TSPAN12: variants seen among roughly 807,000 people sequenced by gnomAD.
TSPAN12 encodes the protein tetraspanin-12.
TSPAN12 carries 19 observed loss-of-function variants against 39.2 expected under a neutral mutation model. That is an observed-to-expected ratio of 0.49 (90% CI 0.34 to 0.71). TSPAN12 has a LOEUF of 0.71. Among genes scored for constraint, TSPAN12 ranks in the 30% least tolerant of loss-of-function variants. The pLI is 0.01. For missense variants in TSPAN12, 314 were observed against 359.9 expected (o/e 0.87, Z 1.03); for synonymous variants, 119 against 124.8 (o/e 0.95, Z 0.31).
rs367649726 is a variant in TSPAN12 at position 120,806,716 on chromosome 7, C to A, written c.469-24G>T. On this transcript the variant is annotated intron_variant, in intron 6 of 7. Coordinates refer to ENST00000222747, the MANE Select transcript of TSPAN12 (RefSeq NM_012338.4). ...AACTGCAAAAAAAATCACTAGTCAGCCTCAGAAACCACAAAAATATTTTCT... is the reference window on the plus strand; with the variant it reads ...AACTGCAAAAAAAATCACTAGTCAGACTCAGAAACCACAAAAATATTTTCT... 120 of 1,612,778 alleles carry A rather than the reference C, an allele frequency of 7.4e-5. No individual in the cohort carries two copies. The African/African-American group carries it at 1.4e-3, about 19-fold the overall frequency.
intron 2 of TSPAN12, among the ~76,000 whole-genome samples, chr7:120,845,325 G>C (rs528223087): frequency 6.6e-6 from 1 of 152,292 alleles, no homozygotes; most frequent in Admixed American, 6.5e-5. Context: ...TTAATATTCA[G>C]CTCCCCTTTG....
intron 2 of TSPAN12, among the ~76,000 whole-genome samples, chr7:120,846,415 GTAA>G (rs1463222119): frequency 1.3e-5 from 2 of 152,144 alleles, no homozygotes; most frequent in African/African-American, 4.8e-5. Flanking sequence ...CCAGTTTTCA[GTAA>G]CACAGCTTTT....
At chr7:120,848,380 T>C (rs964944063) in intron 2 of TSPAN12, among the ~76,000 whole-genome samples, 2 of 152,090 alleles carry the variant, frequency 1.3e-5, no homozygotes, top group Non-Finnish European at 2.9e-5. Context: ...GTGCCTAATA[T>C]AGGTTAGGTG....
intron 2 of TSPAN12, among the ~76,000 whole-genome samples, chr7:120,849,613 G>T (rs1022030356): frequency 9.2e-5 from 14 of 152,162 alleles, no homozygotes; most frequent in African/African-American, 2.9e-4. Flanking sequence ...GAACATAAAA[G>T]ACCTGAATCT....
chr7:120,858,312 C>T (rs3757557), upstream of TSPAN12: 9,949 of 152,300 alleles, frequency 0.065, 715 homozygotes, highest in East Asian at 0.32. Context: ...AAAATGGTGG[C>T]GTCGAAGGAA....
intron 7 of TSPAN12, among the ~76,000 whole-genome samples, chr7:120,801,428 C>T (rs766504262): frequency 2.0e-5 from 3 of 152,186 alleles, no homozygotes; most frequent in Admixed American, 6.5e-5. Flanking sequence ...TGTAACCCAA[C>T]ACATGGAACA....
At chr7:120,805,575 A>G (rs1450371826) in intron 7 of TSPAN12, among the ~76,000 whole-genome samples, 1 of 152,128 alleles carries the variant, frequency 6.6e-6, no homozygotes, top group Non-Finnish European at 1.5e-5. Context: ...CAAGAGGTGT[A>G]TGTGGGGAAT....
chr7:120,802,008 A>G (rs1391494899), intron 7 of TSPAN12, among the ~76,000 whole-genome samples: 1 of 152,174 alleles, frequency 6.6e-6, no homozygotes, highest in Non-Finnish European at 1.5e-5. Flanking sequence ...CCAGCTCTAT[A>G]AAGACTTATT....
At chr7:120,796,993 A>T (rs1793644659) in intron 7 of TSPAN12, among the ~76,000 whole-genome samples, 1 of 152,188 alleles carries the variant, frequency 6.6e-6, no homozygotes, top group African/African-American at 2.4e-5. Context: ...GTCTCTACTA[A>T]AAATACAAAA....
intron 5 of TSPAN12, among the ~76,000 whole-genome samples, chr7:120,812,049 A>C (rs980886788): frequency 6.6e-6 from 1 of 152,208 alleles, no homozygotes; most frequent in South Asian, 2.1e-4. Context: ...AAACCTATTG[A>C]AATAAAAAAA....
chr7:120,854,329 G>C (rs1376846033), intron 2 of TSPAN12, among the ~76,000 whole-genome samples: 1 of 152,196 alleles, frequency 6.6e-6, no homozygotes, highest in Non-Finnish European at 1.5e-5. Context: ...ACTATGATTA[G>C]TACCATAATG....
intron 7 of TSPAN12, among the ~76,000 whole-genome samples, chr7:120,793,696 C>T (rs1466323235): frequency 6.6e-6 from 1 of 152,184 alleles, no homozygotes; most frequent in Non-Finnish European, 1.5e-5. Context: ...CAGTTGACAT[C>T]TCAGTACTGT....
chr7:120,844,458 C>T (rs1794635491), intron 2 of TSPAN12, among the ~76,000 whole-genome samples: 1 of 152,192 alleles, frequency 6.6e-6, no homozygotes, highest in African/African-American at 2.4e-5. Flanking sequence ...ACTGTAAAAT[C>T]AAAACCAGTT....
intron 4 of TSPAN12, among the ~76,000 whole-genome samples, chr7:120,823,235 C>T (rs12111847): frequency 0.027 from 4,130 of 151,796 alleles, 179 homozygotes; most frequent in African/African-American, 0.096. Flanking sequence ...CCATGATATC[C>T]TTTTACTACC....
chr7:120,800,277 A>T (rs903559565), intron 7 of TSPAN12, among the ~76,000 whole-genome samples: 1 of 152,094 alleles, frequency 6.6e-6, no homozygotes, highest in Non-Finnish European at 1.5e-5. Context: ...TACCACTGAT[A>T]CAGTTTCTCT....
At chr7:120,795,412 A>G (rs748634897) in intron 7 of TSPAN12, among the ~76,000 whole-genome samples, 2 of 152,192 alleles carry the variant, frequency 1.3e-5, no homozygotes, top group South Asian at 4.1e-4. Context: ...CCTGGAATCT[A>G]TTTGAAGCCA....
intron 4 of TSPAN12, among the ~76,000 whole-genome samples, chr7:120,826,358 C>T (rs1185920632): frequency 2.0e-5 from 3 of 152,104 alleles, no homozygotes; most frequent in African/African-American, 4.8e-5. Context: ...AATAAAACAT[C>T]GGAGCACACT....
At chr7:120,824,733 A>C (rs951965298) in intron 4 of TSPAN12, among the ~76,000 whole-genome samples, 1 of 152,178 alleles carries the variant, frequency 6.6e-6, no homozygotes, top group Non-Finnish European at 1.5e-5. Flanking sequence ...AATGATTTTC[A>C]CTTTGGGGAA....
At chr7:120,814,086 A>G (rs1794034143) in intron 5 of TSPAN12, 1 of 400,324 alleles carries the variant, frequency 2.5e-6, no homozygotes, top group Non-Finnish European at 5.0e-6. Context: ...ACTGACATGT[A>G]AATTGGAGTG....
Sources: gnomAD v4.1 joint callset for allele counts (sites outside exome capture counted in the v4.1 genomes callset) on GRCh38, gnomAD v4.1.1 for gene constraint, MANE v1.5 for transcripts, NCBI Gene and HGNC (gene_info 2026-07-23, HGNC 2026-07-21) for gene names.